Variants in SCFD2 observed in about 807,000 individuals in gnomAD.
SCFD2 encodes the protein sec1 family domain containing 2, also known as sec1 family domain-containing protein 2.
In SCFD2, 54 loss-of-function variants were observed where a neutral mutation model predicts 58.9. The observed-to-expected ratio is 0.92, with a 90% CI of 0.74 to 1.15. SCFD2 has a LOEUF of 1.15. SCFD2 is among the 50% of genes most tolerant of loss of function. SCFD2 has a pLI of 0.00. For missense variants in SCFD2, 805 were observed against 836.6 expected, an observed-to-expected ratio of 0.96 and a Z score of 0.47; for synonymous variants, 321 against 335.9, an observed-to-expected ratio of 0.96 and a Z score of 0.49.
intron 5 of SCFD2, among the ~76,000 whole-genome samples, chr4:52,929,864 A>G (rs931043038): frequency 6.6e-6 from 1 of 152,206 alleles, no homozygotes; most frequent in Non-Finnish European, 1.5e-5. Flanking sequence ...ATAAGAGAGG[A>G]CACAAACAAA....
chr4:53,120,926 T>A (rs1725460737), intron 5 of SCFD2, among the ~76,000 whole-genome samples: 1 of 152,240 alleles, frequency 6.6e-6, no homozygotes, highest in Admixed American at 6.5e-5. Context: ...CTGTAAGGTC[T>A]CTTCTTCCAG....
chr4:53,333,494 T>C (rs1258204006), intron 2 of SCFD2, among the ~76,000 whole-genome samples: 2 of 149,812 alleles, frequency 1.3e-5, no homozygotes, highest in Admixed American at 6.7e-5. Flanking sequence ...AAACAAGCAA[T>C]GGGGAAAGGA....
chr4:53,200,919 A>G (rs947533432), intron 4 of SCFD2, among the ~76,000 whole-genome samples: 6 of 152,096 alleles, frequency 3.9e-5, no homozygotes, highest in African/African-American at 1.4e-4. Flanking sequence ...CTAAAAATCA[A>G]AAGTTTAAAA....
intron 4 of SCFD2, among the ~76,000 whole-genome samples, chr4:53,270,895 A>G (rs562728383): frequency 3.9e-5 from 6 of 152,322 alleles, no homozygotes; most frequent in African/African-American, 1.4e-4. Flanking sequence ...ATCTTAGTAT[A>G]TTACATATTA....
intron 4 of SCFD2, among the ~76,000 whole-genome samples, chr4:53,203,902 A>T (rs1420325399): frequency 6.6e-6 from 1 of 152,144 alleles, no homozygotes; most frequent in Non-Finnish European, 1.5e-5. Flanking sequence ...GTAAAATCAC[A>T]TTTTGGTCTA....
intron 5 of SCFD2, among the ~76,000 whole-genome samples, chr4:52,961,230 CT>C (rs1276697519): frequency 6.6e-6 from 1 of 152,166 alleles, no homozygotes; most frequent in Non-Finnish European, 1.5e-5. Flanking sequence ...GAGACATGAT[CT>C]TGAGACTTTT....
intron 4 of SCFD2, among the ~76,000 whole-genome samples, chr4:53,270,968 A>G (rs1028414063): frequency 2.0e-5 from 3 of 152,186 alleles, no homozygotes; most frequent in Non-Finnish European, 4.4e-5. Flanking sequence ...ATAAACAACA[A>G]AAATTATCAT....
intron 5 of SCFD2, among the ~76,000 whole-genome samples, chr4:53,124,311 A>G (rs1725563948): frequency 6.6e-6 from 1 of 152,192 alleles, no homozygotes; most frequent in South Asian, 2.1e-4. Context: ...CAAACTTCAC[A>G]TGGTTGGGCC....
intron 5 of SCFD2, among the ~76,000 whole-genome samples, chr4:53,108,698 C>G (rs940851975): frequency 1.3e-5 from 2 of 152,162 alleles, no homozygotes; most frequent in African/African-American, 4.8e-5. Context: ...AGACCAATAA[C>G]AAGTTCTGAA....
intron 4 of SCFD2, among the ~76,000 whole-genome samples, chr4:53,264,769 T>C (rs1730930641): frequency 6.6e-6 from 1 of 152,184 alleles, no homozygotes; most frequent in African/African-American, 2.4e-5. Flanking sequence ...GTAAACTTGA[T>C]TTGCTATAGA....
chr4:53,341,194 A>C (rs1733859710), intron 2 of SCFD2, among the ~76,000 whole-genome samples: 1 of 152,210 alleles, frequency 6.6e-6, no homozygotes, highest in African/African-American at 2.4e-5. Context: ...ATCACAAAGA[A>C]GCTAAAAACC....
At chr4:53,083,475 A>G (rs1379004961) in intron 5 of SCFD2, among the ~76,000 whole-genome samples, 1 of 152,210 alleles carries the variant, frequency 6.6e-6, no homozygotes, top group Non-Finnish European at 1.5e-5. Flanking sequence ...CCTGATACCA[A>G]AACCAGACAA....
intron 5 of SCFD2, among the ~76,000 whole-genome samples, chr4:53,126,430 C>T (rs565808194): frequency 2.2e-4 from 34 of 152,326 alleles, no homozygotes; most frequent in South Asian, 4.1e-4. Flanking sequence ...ATTCTCCTGC[C>T]TCAGCTTCCT....
At chr4:53,238,456 C>A (rs1425155775) in intron 4 of SCFD2, among the ~76,000 whole-genome samples, 3 of 150,116 alleles carry the variant, frequency 2.0e-5, no homozygotes, top group African/African-American at 7.4e-5. Flanking sequence ...GGGGGCTGAC[C>A]CCCCCACCTC....
At chr4:53,334,647 T>C (rs1328256049) in intron 2 of SCFD2, among the ~76,000 whole-genome samples, 1 of 151,480 alleles carries the variant, frequency 6.6e-6, no homozygotes, top group African/African-American at 2.4e-5. Context: ...ATATACCTAA[T>C]GCTAGATGAC....
At chr4:53,144,728 C>T (rs1351243416) in intron 5 of SCFD2, among the ~76,000 whole-genome samples, 2 of 147,776 alleles carry the variant, frequency 1.4e-5, no homozygotes, top group East Asian at 1.9e-4. Flanking sequence ...AGATAATACT[C>T]TCTGTATTTT....
At chr4:53,138,015 C>T (rs574597701) in intron 5 of SCFD2, among the ~76,000 whole-genome samples, 7 of 152,262 alleles carry the variant, frequency 4.6e-5, no homozygotes, top group East Asian at 3.9e-4. Flanking sequence ...GTCCACTTAC[C>T]TCAATCTACT....
intron 2 of SCFD2, among the ~76,000 whole-genome samples, chr4:53,324,430 A>AG (rs1171071976): frequency 6.6e-6 from 1 of 151,406 alleles, no homozygotes; most frequent in Admixed American, 6.6e-5. Flanking sequence ...CAAAAAAAAA[A>AG]AAAAAAAAAA....
rs116890798 is a variant in SCFD2 at position 52,890,185 on chromosome 4, C to T, written c.1843-4319G>A. ...AAATAAATTGGCTCCAGAACTTGAA[C>T]GTGGTGCAATATGTTCCCAAAGACA... On this transcript the variant is annotated intron_variant, in intron 7 of 8. Transcript: ENST00000401642. Among the ~76,000 whole-genome samples the T allele has an allele frequency of 1.6e-4, 25 of 152,226 alleles. No individual in the cohort carries two copies. In the East Asian group the frequency reaches 4.3e-3, roughly 26 times the overall value.
Sources: gnomAD v4.1 joint callset for allele counts (sites outside exome capture counted in the v4.1 genomes callset) on GRCh38, gnomAD v4.1.1 for gene constraint, MANE v1.5 for transcripts, NCBI Gene and HGNC (gene_info 2026-07-23, HGNC 2026-07-21) for gene names.